The following ATP9B variants were observed in gnomAD, a reference collection of about 807,000 sequenced individuals.
ATP9B encodes ATPase phospholipid transporting 9B, also known as probable phospholipid-transporting ATPase IIB.
A neutral mutation model predicts 146.1 loss-of-function variants in ATP9B; 110 were observed. That is an observed-to-expected ratio of 0.75 (90% CI 0.65 to 0.88). ATP9B has a LOEUF of 0.88. Ranked by LOEUF, ATP9B falls within the 40% of genes least tolerant of loss-of-function variation. The pLI, the probability that ATP9B is intolerant of heterozygous loss-of-function variation, is 0.00. For synonymous variants in ATP9B, 604 were observed against 569.7 expected, an observed-to-expected ratio of 1.06 and a Z score of -0.86; for missense variants, 1,499 against 1,496.4, an observed-to-expected ratio of 1.00 and a Z score of -0.03.
Position 79,277,117 on chromosome 18 carries a change from C to A in ATP9B, c.1332C>A (p.Asn444Lys). ...VYGWMMMKDE[N>K]IPGTVVRTST... The stretch of plus-strand genomic sequence containing the variant: ...GATGGATGATGATGAAAGATGAGAA[C>A]ATCCCTGGCACGGTCGTTCGGACCA... The change falls in exon 13 of 30, where the codon AAC becomes AAA. Residue 444 changes from asparagine (N) to lysine (K), a missense_variant. Physicochemically the swap from Asn to Lys is moderately conservative, Grantham distance 94. Coordinates refer to ENST00000426216, the MANE Select transcript of ATP9B (RefSeq NM_198531.5). 6.2e-7 allele frequency: 1 copy of A among 1,614,204 alleles called. No individual in the cohort carries two copies. Among genetic ancestry groups the A allele is most frequent in the Non-Finnish European group, 8.5e-7 (1 of 1,180,026 alleles).
Position 79,359,465 on chromosome 18 carries a change from AC to A in ATP9B, c.3012+4del. ...AGCTGTACAAGGACCTCACCAAGGT[AC>A]GGGCCTCAGGCAAGCTGTCTGCCTC... On this transcript the variant is annotated splice_donor_region_variant and intron_variant, in intron 26 of 29. Coordinates refer to ENST00000426216, the MANE Select transcript of ATP9B (RefSeq NM_198531.5). The A allele has an allele frequency of 6.2e-7, 1 of 1,609,872 alleles. No individual in the cohort carries two copies. Among genetic ancestry groups the A allele is most frequent in the Non-Finnish European group, 8.5e-7 (1 of 1,176,200 alleles).
intron 6 of ATP9B, chr18:79,146,357 C>A (rs5027143): frequency 2.3e-4 from 14 of 61,346 alleles, no homozygotes; most frequent in South Asian, 9.8e-4. Flanking sequence ...TGAAGGTGCA[C>A]GCTGCATGTC....
In ATP9B at chr18:79,075,808, AT is replaced by A. The variant is rs373380427; in HGVS notation, c.119+6283del. On this transcript the variant is annotated intron_variant, in intron 1 of 29. Coordinates refer to ENST00000426216, the MANE Select transcript of ATP9B (RefSeq NM_198531.5). ...TTATGTTCAGCGTAATGTTTATGCC[AT>A]TTTATTTTTTGCTTTCTGTTTTTGT... 3.6e-4 allele frequency among the ~76,000 whole-genome samples: 54 copies of A among 150,962 alleles called. 1 individual carries two copies. The South Asian group carries it at 0.011, about 32-fold the overall frequency.
At chr18:79,374,456 G>A (rs112551538) in intron 28 of ATP9B, among the ~76,000 whole-genome samples, 3 of 122,100 alleles carry the variant, frequency 2.5e-5, no homozygotes, top group Non-Finnish European at 5.2e-5. Context: ...GCTGAGCCCC[G>A]TCGGTCACTG....
chr18:79,195,302 C>T lies in ATP9B; in HGVS notation c.954+2039C>T, dbSNP rs139422464. On this transcript the variant is annotated intron_variant, in intron 9 of 29. Transcript: ENST00000426216. ...TTGCTGTCTCGCCCAGGCTAGAGTG[C>T]AGTGGTGTGATCATAGCTCATTGCA... is the stretch of plus-strand genomic sequence containing the variant. Among the ~76,000 whole-genome samples, 496 of 152,230 alleles carry T rather than the reference C, an allele frequency of 3.3e-3. 1 individual carries two copies. The highest frequency in any genetic ancestry group is 4.4e-3 in the South Asian group (21 of 4,816).
chr18:79,186,845 TCA>T (rs969991067), intron 8 of ATP9B, among the ~76,000 whole-genome samples: 4 of 152,370 alleles, frequency 2.6e-5, no homozygotes, highest in African/African-American at 7.2e-5. Context: ...CACGTATTTT[TCA>T]CAGTTTCTTG....
At chr18:79,242,472 G>A (rs1409933051) in intron 11 of ATP9B, among the ~76,000 whole-genome samples, 3 of 152,180 alleles carry the variant, frequency 2.0e-5, no homozygotes, top group Non-Finnish European at 4.4e-5. Context: ...GTGGCTTCCT[G>A]ACATGCATCA....
At chr18:79,074,116 G>C (rs1406602244) in intron 1 of ATP9B, among the ~76,000 whole-genome samples, 1 of 152,200 alleles carries the variant, frequency 6.6e-6, no homozygotes, top group Non-Finnish European at 1.5e-5. Context: ...AATTCTCAGA[G>C]CCTTTGTGCT....
chr18:79,186,487 G>T (rs1482870903), intron 8 of ATP9B, among the ~76,000 whole-genome samples: 1 of 151,938 alleles, frequency 6.6e-6, no homozygotes, highest in Non-Finnish European at 1.5e-5. Flanking sequence ...GAGCTTGCCA[G>T]CCTGTTTTTT....
At chr18:79,088,154 G>A (rs1363810756) in intron 1 of ATP9B, among the ~76,000 whole-genome samples, 3 of 152,192 alleles carry the variant, frequency 2.0e-5, no homozygotes, top group African/African-American at 7.2e-5. Context: ...TGGAGTTGAG[G>A]TTACAAAACA....
At chr18:79,271,224 T>C (rs1361351778) in intron 12 of ATP9B, among the ~76,000 whole-genome samples, 1 of 152,152 alleles carries the variant, frequency 6.6e-6, no homozygotes, top group East Asian at 1.9e-4. Flanking sequence ...TGTAATACTT[T>C]GCTGTATTTT....
intron 17 of ATP9B, among the ~76,000 whole-genome samples, chr18:79,332,165 T>G (rs139998401): frequency 2.0e-5 from 3 of 152,144 alleles, no homozygotes; most frequent in Non-Finnish European, 4.4e-5. Flanking sequence ...TACGGTGGCT[T>G]ACGCCTGTAA....
chr18:79,200,764 T>TCGGGGTCAGAGCAGAGGCGGAGG (rs1568388923), intron 9 of ATP9B, among the ~76,000 whole-genome samples: 9 of 3,854 alleles, frequency 2.3e-3, no homozygotes, highest in African/African-American at 5.7e-3. Context: ...GGTGGGAACG[T>TCGGGGTCAGAGCAGAGGCGGAGG]TGGGGTCAGA....
intron 15 of ATP9B, among the ~76,000 whole-genome samples, chr18:79,327,556 C>CATGCCCTCCGTGGTTAGT (rs2096758228): frequency 1.9e-5 from 2 of 106,996 alleles, no homozygotes; most frequent in African/African-American, 8.7e-5. Flanking sequence ...CCGTGGTTAG[C>CATGCCCTCCGTGGTTAGT]GTGCTCTCCG....
At chr18:79,277,881 G>A (rs529912761) in intron 13 of ATP9B, among the ~76,000 whole-genome samples, 17 of 152,050 alleles carry the variant, frequency 1.1e-4, no homozygotes, top group Non-Finnish European at 1.8e-4. Flanking sequence ...CTTATATAGC[G>A]TGATAAACAA....
rs938361597 is a variant in ATP9B at position 79,107,106 on chromosome 18, C to T, written c.294-3249C>T. ...TAGAGCAAAAATTCATATCTGAGTC[C>T]GTTCCTGAAGAATTTTGCTCTATTT... is the stretch of plus-strand genomic sequence containing the variant. On this transcript the variant is annotated intron_variant, in intron 2 of 29. Coordinates refer to ENST00000426216, the MANE Select transcript of ATP9B (RefSeq NM_198531.5). Among the ~76,000 whole-genome samples the T allele has an allele frequency of 2.6e-4, 39 of 152,046 alleles. 1 individual carries two copies. Among genetic ancestry groups the T allele is most frequent in the African/African-American group, 5.1e-4 (21 of 41,386 alleles).
chr18:79,215,546 T>C (rs1352945121), intron 11 of ATP9B, among the ~76,000 whole-genome samples: 2 of 152,260 alleles, frequency 1.3e-5, no homozygotes, highest in Admixed American at 6.5e-5. Flanking sequence ...ATTTCAAATA[T>C]ATGCAAGTCA....
intron 25 of ATP9B, among the ~76,000 whole-genome samples, chr18:79,355,457 C>CA (rs1011080604): frequency 3.5e-4 from 52 of 149,754 alleles, no homozygotes; most frequent in African/African-American, 1.0e-3. Flanking sequence ...ATAACCCAGA[C>CA]AAAAAAAAAT....
At chr18:79,347,640 G>A (rs1600240366) in intron 23 of ATP9B, 130 bp from the exon 24 acceptor site, 1 of 1,155,252 alleles carries the variant, frequency 8.7e-7, no homozygotes, top group East Asian at 2.7e-5. Flanking sequence ...CGACGGAGCT[G>A]AAGCTTTACA....
Sources: allele counts gnomAD v4.1 joint callset (sites outside exome capture counted in the v4.1 genomes callset), GRCh38; gene constraint gnomAD v4.1.1; transcripts MANE v1.5; gene names NCBI Gene and HGNC (gene_info 2026-07-23, HGNC 2026-07-21).